The following PTPRS variants were observed in gnomAD, a reference collection of about 807,000 sequenced individuals.
The protein encoded by PTPRS is receptor-type tyrosine-protein phosphatase S.
Under a neutral mutation model 215.3 loss-of-function variants are expected in PTPRS, and 63 were observed. The ratio of observed to expected loss-of-function variants is 0.29; its 90% confidence interval spans 0.24 to 0.36. The LOEUF (loss-of-function observed/expected upper bound fraction) is 0.36. Ranked by LOEUF, PTPRS falls within the 10% of genes least tolerant of loss-of-function variation. PTPRS has a pLI of 1.00. For synonymous variants in PTPRS, 1,404 were observed against 1,191.4 expected (o/e 1.18, Z -3.68); for missense variants, 2,258 against 2,825.8 (o/e 0.80, Z 4.56).
At chr19:5,323,386 G>A (rs535702133) in intron 1 of PTPRS, among the ~76,000 whole-genome samples, 39 of 152,314 alleles carry the variant, frequency 2.6e-4, no homozygotes, top group African/African-American at 9.1e-4. Context: ...GCATTCAACA[G>A]AGAAATGGTG....
At chr19:5,302,042 G>A (rs545486230) in intron 1 of PTPRS, among the ~76,000 whole-genome samples, 5 of 151,888 alleles carry the variant, frequency 3.3e-5, no homozygotes, top group Non-Finnish European at 7.4e-5. Context: ...TTGGCCCTCC[G>A]AAGTGCTAGG....
rs763294758 is a variant in PTPRS at position 5,222,855 on chromosome 19, T to C, written c.2937A>G (p.Arg979=). 6.3e-7 allele frequency: 1 copy of C among 1,591,582 alleles called. No homozygotes were observed. Among genetic ancestry groups the C allele is most frequent in the Non-Finnish European group, 8.5e-7 (1 of 1,175,270 alleles). The change falls in exon 18 of 38, where the codon CGA becomes CGG. Residue 979 remains arginine (R), a synonymous_variant. Transcript: ENST00000262963. The stretch of plus-strand genomic sequence containing the variant: ...CAGCCGCTGCCGGCAGCTCAGTCTC[T>C]CGGGCAGGGCCCAGGGCACCGGCCT... ...VREAGALGPA[R]ETELPAAAEP...
In PTPRS at chr19:5,216,809, G is replaced by T. The variant is rs1175878946; in HGVS notation, c.4049-42C>A. The T allele has an allele frequency of 6.4e-6, 9 of 1,401,152 alleles. No homozygotes were observed. The East Asian group carries it at 1.5e-4, about 23-fold the overall frequency. 86.8% of individuals were successfully genotyped at this position (1,401,152 alleles called of 1,614,324 possible). A position where few individuals can be genotyped will look rare whatever the true frequency, so the allele number is the denominator to read the frequency against. On this transcript the variant is annotated intron_variant, in intron 25 of 37. Coordinates refer to ENST00000262963, the MANE Select transcript of PTPRS (RefSeq NM_002850.4). ...ATAAATAAATGAAAACATGCAGGGG[G>T]TAGGGGGGGGTCCCACCTCTGCCTC...
At chr19:5,235,798 C>A (rs1270398287) in intron 13 of PTPRS, among the ~76,000 whole-genome samples, 1 of 152,192 alleles carries the variant, frequency 6.6e-6, no homozygotes, top group Admixed American at 6.5e-5. Flanking sequence ...ATGTTAAGGT[C>A]TTTGCTGAAT....
chr19:5,225,681 G>A (rs552957397), intron 17 of PTPRS, 46 bp downstream of exon 17: 2 of 1,507,920 alleles, frequency 1.3e-6, no homozygotes, highest in South Asian at 1.1e-5. Flanking sequence ...GGTGCCAGTG[G>A]GGGCAAAGGG....
At chr19:5,301,897 C>T (rs2049315617) in intron 1 of PTPRS, among the ~76,000 whole-genome samples, 1 of 152,180 alleles carries the variant, frequency 6.6e-6, no homozygotes, top group Non-Finnish European at 1.5e-5. Flanking sequence ...TCTCCCACTT[C>T]AGCCTCCTGA....
At chr19:5,228,371 G>T (rs114267813) in intron 16 of PTPRS, among the ~76,000 whole-genome samples, 1,837 of 119,794 alleles carry the variant, frequency 0.015, 56 homozygotes, top group African/African-American at 0.069. Flanking sequence ...AAAGAGACAG[G>T]GTCTCCCTCT....
chr19:5,321,565 G>A (rs1271101211), intron 1 of PTPRS, among the ~76,000 whole-genome samples: 4 of 152,234 alleles, frequency 2.6e-5, no homozygotes, highest in African/African-American at 4.8e-5. Flanking sequence ...GCTGTAAGGA[G>A]TTTGGCTCGT....
At position 5,246,544 on chromosome 19, in the gene PTPRS, G is replaced by A. The variant is rs1291110950; in HGVS notation, c.719-499C>T. ...AATGGGGGCATCCCCTTCGGGGAGC[G>A]CTGGAAGATTCTGGCTGCCAAGTTT... On this transcript the variant is annotated intron_variant, in intron 9 of 37. Transcript: ENST00000262963. 5.9e-5 allele frequency among the ~76,000 whole-genome samples: 9 copies of A among 152,206 alleles called. No individual in the cohort carries two copies. In the East Asian group the frequency reaches 7.7e-4, roughly 13 times the overall value.
chr19:5,268,037 A>G lies in PTPRS; in HGVS notation c.380-2841T>C, dbSNP rs946297957. On this transcript the variant is annotated intron_variant, in intron 4 of 37. Transcript: ENST00000262963. ...CAAAGAAGATTAGCCGGGCTTGGTG[A>G]CGGGCACCTGTAGTCCCAGCTACTC... 1.3e-4 allele frequency among the ~76,000 whole-genome samples: 19 copies of G among 151,992 alleles called. 1 individual carries two copies. The highest frequency in any genetic ancestry group is 2.4e-4 in the African/African-American group (10 of 41,478).
chr19:5,258,809 T>G (rs189700357), intron 7 of PTPRS, among the ~76,000 whole-genome samples: 2 of 152,214 alleles, frequency 1.3e-5, no homozygotes, highest in Non-Finnish European at 2.9e-5. Flanking sequence ...ATCAAAGCCA[T>G]GGATCCAAGC....
intron 17 of PTPRS, among the ~76,000 whole-genome samples, chr19:5,224,045 G>T (rs1057360649): frequency 5.3e-5 from 8 of 152,004 alleles, no homozygotes; most frequent in Non-Finnish European, 1.0e-4. Flanking sequence ...CGGGGGTGGT[G>T]GTGCACGCCT....
At chr19:5,307,761 C>T (rs890266981) in intron 1 of PTPRS, among the ~76,000 whole-genome samples, 4 of 152,200 alleles carry the variant, frequency 2.6e-5, no homozygotes, top group Non-Finnish European at 2.9e-5. Flanking sequence ...TAGCCACATT[C>T]GGCTCAGGGC....
Position 5,210,715 on chromosome 19 carries a change from G to A in PTPRS, c.5325C>T (p.Ile1775=), listed in dbSNP as rs752263180. 54 of 1,614,170 alleles carry A rather than the reference G, an allele frequency of 3.3e-5. No homozygotes were observed. Among genetic ancestry groups the A allele is most frequent in the Middle Eastern group, 3.3e-4 (2 of 6,062 alleles). The change falls in exon 34 of 38, where the codon ATC becomes ATT. Residue 1775 remains isoleucine, a synonymous_variant. Coordinates refer to ENST00000262963, the MANE Select transcript of PTPRS (RefSeq NM_002850.4). This position sits in a 1 kb window ranked among gnomAD's most constrained non-coding sequence, Gnocchi z 4.5. ...CCCGCAGCTTGGTCAGCATCACCAC[G>A]ATCGTCGAATTGTTCTCCCACAGCA... The part of the protein sequence containing the change: ...WRMLWENNST[I]VVMLTKLREM...
At chr19:5,260,655 C>T in intron 7 of PTPRS, 150 bp downstream of exon 7, 3 of 1,060,740 alleles carry the variant, frequency 2.8e-6, no homozygotes, top group South Asian at 1.4e-5. Flanking sequence ...GACACAGACG[C>T]AGAGACCGGA....
intron 1 of PTPRS, among the ~76,000 whole-genome samples, chr19:5,308,324 A>G (rs924418414): frequency 6.6e-5 from 10 of 152,134 alleles, no homozygotes; most frequent in Admixed American, 4.6e-4. Context: ...TGGGCAGGAG[A>G]TGGGAACTCT....
chr19:5,234,288 T>A (rs2043256206), intron 13 of PTPRS, among the ~76,000 whole-genome samples: 1 of 152,196 alleles, frequency 6.6e-6, no homozygotes, highest in African/African-American at 2.4e-5. Flanking sequence ...ATAATGCCCA[T>A]GTCTTGAGCA....
At chr19:5,320,295 C>T (rs2049990732) in intron 1 of PTPRS, among the ~76,000 whole-genome samples, 1 of 151,802 alleles carries the variant, frequency 6.6e-6, no homozygotes, top group East Asian at 2.0e-4. Flanking sequence ...TAATCCCTGC[C>T]CCAGTGGGAG....
At position 5,222,771 on chromosome 19, in the gene PTPRS, G is replaced by A. The variant is rs772609297; in HGVS notation, c.3021C>T (p.Asp1007=). The change falls in exon 18 of 38, where the codon GAC becomes GAT. Residue 1007 remains aspartate, a synonymous_variant. Coordinates refer to ENST00000262963, the MANE Select transcript of PTPRS (RefSeq NM_002850.4). ...GGCGCGTGTGGGCTCGCACTTGGAGGTCATAGGCCGTGTCGGGCTTCAGGC... is the reference window on the plus strand; with the variant it reads ...GGCGCGTGTGGGCTCGCACTTGGAGATCATAGGCCGTGTCGGGCTTCAGGC... ...LQGLKPDTAY[D]LQVRAHTRRG... The A allele has an allele frequency of 4.4e-6, 7 of 1,599,046 alleles. No homozygotes were observed. Among genetic ancestry groups the A allele is most frequent in the South Asian group, 2.2e-5 (2 of 90,972 alleles).
Sources: allele counts gnomAD v4.1 joint callset (sites outside exome capture counted in the v4.1 genomes callset), GRCh38; gene constraint gnomAD v4.1.1; non-coding constraint Gnocchi (gnomAD v3.1); transcripts MANE v1.5; gene names NCBI Gene and HGNC (gene_info 2026-07-23, HGNC 2026-07-21).